The following MRAP2 variants were observed in gnomAD, a reference collection of about 807,000 sequenced individuals.
MRAP2 encodes melanocortin 2 receptor accessory protein 2.
Under a neutral mutation model 17.4 loss-of-function variants are expected in MRAP2, and 20 were observed. That is an observed-to-expected ratio of 1.15 (90% CI 0.81 to 1.67). MRAP2 has a LOEUF of 1.67. Ranked by LOEUF, MRAP2 falls within the 40% of genes most tolerant of loss-of-function variation. The probability of loss-of-function intolerance (pLI) is 0.00; values close to 1 mark genes in which losing one functional copy is unlikely to be tolerated. For missense variants in MRAP2, 238 were observed against 240.0 expected (o/e 0.99, Z 0.05); for synonymous variants, 96 against 88.4 (o/e 1.09, Z -0.48).
chr6:84,124,362 G>C, the MRAP2 span: 1 of 152,030 alleles, frequency 6.6e-6, no homozygotes, highest in Admixed American at 6.6e-5. Flanking sequence ...TATATATAGA[G>C]AGAGATATAT....
chr6:84,121,077 A>ATT, the MRAP2 span, among the ~76,000 whole-genome samples: 3 of 141,888 alleles, frequency 2.1e-5, no homozygotes, highest in Admixed American at 7.1e-5. Context: ...TTATTTTTTA[A>ATT]TTTTTTTTTT....
chr6:84,128,388 T>C, the MRAP2 span, among the ~76,000 whole-genome samples: 1 of 152,186 alleles, frequency 6.6e-6, no homozygotes, highest in African/African-American at 2.4e-5. Context: ...AAAAAATACT[T>C]CCTGCTATGT....
At chr6:84,044,348 G>A (rs1466862069) in intron 1 of MRAP2, among the ~76,000 whole-genome samples, 1 of 152,146 alleles carries the variant, frequency 6.6e-6, no homozygotes, top group African/African-American at 2.4e-5. Context: ...CACCACACCT[G>A]GCTAATTTTT....
chr6:84,041,071 T>G (rs1465084319), intron 1 of MRAP2, among the ~76,000 whole-genome samples: 2 of 152,182 alleles, frequency 1.3e-5, no homozygotes, highest in Non-Finnish European at 1.5e-5. Flanking sequence ...AGGCCCCCCC[T>G]GCTGCGTGCA....
the MRAP2 span, among the ~76,000 whole-genome samples, chr6:84,100,818 G>A: frequency 6.6e-6 from 1 of 152,022 alleles, no homozygotes; most frequent in Non-Finnish European, 1.5e-5. Flanking sequence ...ATCTTGGTGT[G>A]TTCCATCTGT....
At chr6:84,058,667 T>G (rs940341013) in intron 2 of MRAP2, among the ~76,000 whole-genome samples, 4 of 152,180 alleles carry the variant, frequency 2.6e-5, no homozygotes, top group African/African-American at 9.7e-5. Flanking sequence ...AGTCCAATGC[T>G]GAGCCCTGGG....
At chr6:84,050,716 C>T (rs2099490220) in intron 1 of MRAP2, among the ~76,000 whole-genome samples, 1 of 152,218 alleles carries the variant, frequency 6.6e-6, no homozygotes, top group South Asian at 2.1e-4. Context: ...AGGATAAGAA[C>T]AGGTAACTGA....
chr6:84,140,603 G>A, the MRAP2 span, among the ~76,000 whole-genome samples: 4 of 152,086 alleles, frequency 2.6e-5, no homozygotes, highest in Admixed American at 2.6e-4. Flanking sequence ...TCAGCTCACT[G>A]AAGCCTTGAA....
intron 1 of MRAP2, among the ~76,000 whole-genome samples, chr6:84,053,345 A>T (rs1044864740): frequency 3.3e-5 from 5 of 152,254 alleles, no homozygotes; most frequent in African/African-American, 1.2e-4. Context: ...TAATAAAAAA[A>T]GGAGAGAAAG....
chr6:84,079,272 CATT>C (rs138120221), intron 3 of MRAP2, among the ~76,000 whole-genome samples: 6,495 of 152,182 alleles, frequency 0.043, 179 homozygotes, highest in Non-Finnish European at 0.061. Flanking sequence ...ATCTCAAAAA[CATT>C]GAGCAAAAGA....
At chr6:84,140,728 T>G in the MRAP2 span, among the ~76,000 whole-genome samples, 7 of 152,246 alleles carry the variant, frequency 4.6e-5, no homozygotes, top group East Asian at 1.4e-3. Context: ...TCTCGTCATA[T>G]TGCCCAGGCT....
At chr6:84,050,673 G>A (rs1398575393) in intron 1 of MRAP2, among the ~76,000 whole-genome samples, 2 of 152,224 alleles carry the variant, frequency 1.3e-5, no homozygotes, top group African/African-American at 4.8e-5. Context: ...TATGTTGTGC[G>A]GGGGACAGTC....
At chr6:84,131,401 T>A in the MRAP2 span, among the ~76,000 whole-genome samples, 1 of 152,188 alleles carries the variant, frequency 6.6e-6, no homozygotes, top group Non-Finnish European at 1.5e-5. Context: ...TGAATATCCT[T>A]GTTAACTTTC....
At chr6:84,128,293 T>C in the MRAP2 span, among the ~76,000 whole-genome samples, 17 of 152,312 alleles carry the variant, frequency 1.1e-4, no homozygotes, top group Admixed American at 9.8e-4. Context: ...CAAAACTGAA[T>C]ATGTACATAT....
chr6:84,139,431 A>G, the MRAP2 span, among the ~76,000 whole-genome samples: 1 of 152,232 alleles, frequency 6.6e-6, no homozygotes, highest in South Asian at 2.1e-4. Flanking sequence ...ACACATTAAT[A>G]AATTTGTTTT....
intron 3 of MRAP2, among the ~76,000 whole-genome samples, chr6:84,085,624 A>G (rs938336592): frequency 2.0e-5 from 3 of 152,194 alleles, no homozygotes; most frequent in Non-Finnish European, 4.4e-5. Flanking sequence ...ACACACATGC[A>G]TAACCAAACC....
intron 3 of MRAP2, among the ~76,000 whole-genome samples, chr6:84,084,449 T>G (rs907614989): frequency 6.6e-6 from 1 of 152,218 alleles, no homozygotes; most frequent in African/African-American, 2.4e-5. Flanking sequence ...AATCCTTTAA[T>G]TAAGTGTTCC....
At chr6:84,120,986 A>G in the MRAP2 span, among the ~76,000 whole-genome samples, 2 of 152,192 alleles carry the variant, frequency 1.3e-5, no homozygotes, top group African/African-American at 4.8e-5. Flanking sequence ...GTATGACAAA[A>G]TGCAAAAACT....
the MRAP2 span, among the ~76,000 whole-genome samples, chr6:84,110,734 G>A: frequency 2.4e-4 from 37 of 152,194 alleles, no homozygotes; most frequent in African/African-American, 8.7e-4. Context: ...ATGGTTTTAG[G>A]TCTTACATTT....
Sources: allele counts gnomAD v4.1 joint callset (sites outside exome capture counted in the v4.1 genomes callset), GRCh38; gene constraint gnomAD v4.1.1; transcripts MANE v1.5; gene names NCBI Gene and HGNC (gene_info 2026-07-23, HGNC 2026-07-21).